Variants in KCNMA1 observed in about 807,000 individuals in gnomAD.
KCNMA1 encodes potassium calcium-activated channel subfamily M alpha 1.
Under a neutral mutation model 140.0 loss-of-function variants are expected in KCNMA1, and 29 were observed. That is an observed-to-expected ratio of 0.21 (90% CI 0.15 to 0.28). KCNMA1 has a LOEUF of 0.28. Ranked by LOEUF, KCNMA1 falls within the 10% of genes least tolerant of loss-of-function variation. KCNMA1 has a pLI of 1.00. For missense variants in KCNMA1, 880 were observed against 1,602.2 expected (o/e 0.55, Z 7.70); for synonymous variants, 612 against 611.9 (o/e 1.00, Z 0.00).
chr10:77,319,447 G>A (rs2081739696), intron 2 of KCNMA1, among the ~76,000 whole-genome samples: 1 of 152,130 alleles, frequency 6.6e-6, no homozygotes, highest in Non-Finnish European at 1.5e-5. Flanking sequence ...TTCCTTCCCT[G>A]ACCTTTTCCC....
intron 17 of KCNMA1, among the ~76,000 whole-genome samples, chr10:77,017,574 T>C (rs1253234837): frequency 6.6e-6 from 1 of 152,200 alleles, no homozygotes; most frequent in Non-Finnish European, 1.5e-5. Flanking sequence ...AGTTTAAGAA[T>C]TCTTTTTCCT....
chr10:76,871,192 T>C (rs2031244671), exon 28 of KCNMA1: 1 of 152,488 alleles, frequency 6.6e-6, no homozygotes, highest in African/African-American at 2.4e-5. Flanking sequence ...ACTCCTTTAC[T>C]CCCCTGTCCC....
chr10:76,887,227 G>A lies in KCNMA1; in HGVS notation c.*39C>T. 6.2e-7 allele frequency: 1 copy of A among 1,613,836 alleles called. No homozygotes were observed. Among genetic ancestry groups the A allele is most frequent in the Non-Finnish European group, 8.5e-7 (1 of 1,179,972 alleles). On this transcript the variant is annotated 3_prime_UTR_variant, in exon 28 of 28. Transcript: ENST00000286628. Reference sequence around the variant, plus strand: ...GGAAACACCAACTGGGGAAATGAGTGGCAGATACAGTTTCACACAGTGGCG... The same window carrying A: ...GGAAACACCAACTGGGGAAATGAGTAGCAGATACAGTTTCACACAGTGGCG...
rs891607723 is a variant in KCNMA1 at position 77,620,105 on chromosome 10, A to G, written c.378+17160T>C. ...CTCCTGACCGTGAGGGGTCAGCACC[A>G]GGCCCACAAGCCTGTCTGTTGCACC... On this transcript the variant is annotated intron_variant, in intron 1 of 27. Coordinates refer to ENST00000286628, the MANE Select transcript of KCNMA1 (RefSeq NM_001161352.2). 2.6e-5 allele frequency among the ~76,000 whole-genome samples: 4 copies of G among 152,332 alleles called. No individual in the cohort carries two copies. The East Asian group carries it at 7.7e-4, about 29-fold the overall frequency.
intron 1 of KCNMA1, among the ~76,000 whole-genome samples, chr10:77,630,732 C>T (rs1330109244): frequency 1.1e-4 from 16 of 151,946 alleles, no homozygotes; most frequent in Admixed American, 1.0e-3. Context: ...CTCGCCAGAC[C>T]AGCATAATCT....
intron 2 of KCNMA1, chr10:77,309,485 T>C (rs2154341977): frequency 6.6e-6 from 1 of 152,356 alleles, no homozygotes; most frequent in Non-Finnish European, 1.5e-5. Context: ...CTCACCTAGG[T>C]GGGTCAGAAA....
At chr10:77,018,941 C>T in intron 17 of KCNMA1, 72 bp downstream of exon 17, 1 of 848,340 alleles carries the variant, frequency 1.2e-6, no homozygotes, top group South Asian at 1.4e-5. Context: ...GTTATGGAAG[C>T]CTGCCTACTT....
At chr10:77,376,861 C>T (rs1440221602) in intron 2 of KCNMA1, among the ~76,000 whole-genome samples, 1 of 152,014 alleles carries the variant, frequency 6.6e-6, no homozygotes, top group Admixed American at 6.5e-5. Flanking sequence ...TCACTTGAAC[C>T]CAAGAGGCAG....
chr10:77,612,862 A>G (rs2087520869), intron 1 of KCNMA1, among the ~76,000 whole-genome samples: 1 of 152,018 alleles, frequency 6.6e-6, no homozygotes, highest in South Asian at 2.1e-4. Flanking sequence ...CCTCTAAGCC[A>G]TTTGCTTATG....
At chr10:77,441,207 A>T (rs1490952914) in intron 1 of KCNMA1, among the ~76,000 whole-genome samples, 1 of 152,160 alleles carries the variant, frequency 6.6e-6, no homozygotes, top group East Asian at 1.9e-4. Flanking sequence ...GGGTGCAGGA[A>T]GGGTGAGCTG....
At chr10:77,560,505 G>A (rs2066001131) in intron 1 of KCNMA1, among the ~76,000 whole-genome samples, 1 of 152,206 alleles carries the variant, frequency 6.6e-6, no homozygotes, top group African/African-American at 2.4e-5. Context: ...AGGCCACTCA[G>A]AGAATGTGCA....
At chr10:77,551,792 C>A (rs2062916930) in intron 1 of KCNMA1, among the ~76,000 whole-genome samples, 2 of 152,186 alleles carry the variant, frequency 1.3e-5, no homozygotes, top group South Asian at 4.1e-4. Flanking sequence ...TCCAACCTGG[C>A]CAGCACATCT....
intron 10 of KCNMA1, among the ~76,000 whole-genome samples, chr10:77,089,335 C>T (rs2096763937): frequency 6.6e-6 from 1 of 152,196 alleles, no homozygotes; most frequent in Non-Finnish European, 1.5e-5. Flanking sequence ...CAAGCCAGCA[C>T]AAACATGTTA....
chr10:77,101,219 T>A (rs572143598), intron 9 of KCNMA1, among the ~76,000 whole-genome samples: 1 of 152,118 alleles, frequency 6.6e-6, no homozygotes, highest in Admixed American at 6.5e-5. Flanking sequence ...GCACATCACA[T>A]CAGAAGACAT....
intron 1 of KCNMA1, among the ~76,000 whole-genome samples, chr10:77,530,169 T>C (rs1311997338): frequency 6.6e-6 from 1 of 152,194 alleles, no homozygotes; most frequent in Non-Finnish European, 1.5e-5. Flanking sequence ...GACAGATCCT[T>C]GTGGTGCTGG....
At chr10:77,129,266 C>T (rs1409045503) in intron 5 of KCNMA1, among the ~76,000 whole-genome samples, 1 of 152,080 alleles carries the variant, frequency 6.6e-6, no homozygotes, top group East Asian at 1.9e-4. Flanking sequence ...AATGTACAGC[C>T]AGATGATGGA....
chr10:77,522,278 G>T (rs1457025410), intron 1 of KCNMA1, among the ~76,000 whole-genome samples: 1 of 152,096 alleles, frequency 6.6e-6, no homozygotes, highest in African/African-American at 2.4e-5. Flanking sequence ...CAGAGTAGGG[G>T]ACTCTATGAC....
chr10:76,886,392 T>A lies in KCNMA1; in HGVS notation c.*874A>T. On this transcript the variant is annotated 3_prime_UTR_variant, in exon 28 of 28. Transcript: ENST00000286628. ...GTTTTTAATGACTTACATCTGATATTTATGATACATATGGCTTTTCATCCC... is the reference window on the plus strand; with the variant it reads ...GTTTTTAATGACTTACATCTGATATATATGATACATATGGCTTTTCATCCC... 1.0e-6 allele frequency: 1 copy of A among 985,160 alleles called. No individual in the cohort carries two copies. Among genetic ancestry groups the A allele is most frequent in the Non-Finnish European group, 1.2e-6 (1 of 829,694 alleles). The allele number at this position is 985,160 out of a possible 1,614,324, so 61.0% of individuals were successfully genotyped here.
chr10:77,298,362 C>T (rs1463104476), intron 2 of KCNMA1, among the ~76,000 whole-genome samples: 1 of 152,126 alleles, frequency 6.6e-6, no homozygotes, highest in African/African-American at 2.4e-5. Flanking sequence ...CCTGCCTCAG[C>T]GTCCCGAGTA....
Sources: allele counts gnomAD v4.1 joint callset (sites outside exome capture counted in the v4.1 genomes callset), GRCh38; gene constraint gnomAD v4.1.1; transcripts MANE v1.5; gene names NCBI Gene and HGNC (gene_info 2026-07-23, HGNC 2026-07-21).